KHDC1: variants seen among roughly 807,000 people sequenced by gnomAD.
The protein encoded by KHDC1 is KH domain containing 1, also known as KH homology domain-containing protein 1.
A neutral mutation model predicts 24.7 loss-of-function variants in KHDC1; 21 were observed. The observed-to-expected ratio is 0.85, with a 90% CI of 0.60 to 1.23. The LOEUF (loss-of-function observed/expected upper bound fraction) is 1.23, where lower values mean the gene tolerates loss of function less well. KHDC1 is among the 50% of genes most tolerant of loss of function. KHDC1 has a pLI of 0.00. For missense variants in KHDC1, 274 were observed against 298.5 expected (o/e 0.92, Z 0.61); for synonymous variants, 98 against 111.7 (o/e 0.88, Z 0.77).
intron 1 of KHDC1, among the ~76,000 whole-genome samples, chr6:73,301,770 A>G (rs1767881113): frequency 6.6e-6 from 1 of 151,966 alleles, no homozygotes; most frequent in African/African-American, 2.4e-5. Flanking sequence ...AGCTGGGACT[A>G]CAGGCATGTG....
chr6:73,273,079 G>A (rs1375245523), intron 2 of KHDC1, among the ~76,000 whole-genome samples: 11 of 151,218 alleles, frequency 7.3e-5, no homozygotes, highest in Middle Eastern at 3.2e-3. Context: ...GGCTGGTGGC[G>A]AACTCTTGAC....
intron 1 of KHDC1, among the ~76,000 whole-genome samples, chr6:73,304,391 A>T (rs894430022): frequency 5.3e-5 from 8 of 152,208 alleles, no homozygotes; most frequent in Non-Finnish European, 7.3e-5. Context: ...AAATATGCAT[A>T]TATTACATAA....
chr6:73,290,065 A>G (rs1326871993), intron 2 of KHDC1, among the ~76,000 whole-genome samples: 1 of 136,358 alleles, frequency 7.3e-6, no homozygotes, highest in Non-Finnish European at 1.5e-5. Flanking sequence ...GCGCCACTGC[A>G]GTCCGCAGTC....
chr6:73,257,692 T>A (rs1318057494), intron 2 of KHDC1, among the ~76,000 whole-genome samples: 3 of 150,268 alleles, frequency 2.0e-5, no homozygotes, highest in African/African-American at 4.9e-5. Flanking sequence ...CCACCATGCC[T>A]GGCCCTTTTT....
intron 2 of KHDC1, among the ~76,000 whole-genome samples, chr6:73,261,993 T>A (rs1766988854): frequency 6.6e-6 from 1 of 151,468 alleles, no homozygotes; most frequent in Admixed American, 6.6e-5. Context: ...GTGAGAGAAT[T>A]CATTGAGCCC....
At chr6:73,280,906 A>C (rs1398433709) in intron 2 of KHDC1, among the ~76,000 whole-genome samples, 1 of 151,672 alleles carries the variant, frequency 6.6e-6, no homozygotes, top group Non-Finnish European at 1.5e-5. Flanking sequence ...TTCTTCCTAA[A>C]GCACATCCTT....
chr6:73,245,986 C>T (rs181499665), intron 2 of KHDC1, among the ~76,000 whole-genome samples: 57 of 152,266 alleles, frequency 3.7e-4, no homozygotes, highest in Non-Finnish European at 6.2e-4. Flanking sequence ...CTCAGGATTC[C>T]GGGTTATTGG....
chr6:73,283,240 T>A (rs930441880), intron 2 of KHDC1, among the ~76,000 whole-genome samples: 1 of 152,202 alleles, frequency 6.6e-6, no homozygotes. Flanking sequence ...CTACATAAAT[T>A]ATTTGAAATT....
At chr6:73,287,509 A>G (rs912574886) in intron 2 of KHDC1, among the ~76,000 whole-genome samples, 2 of 152,212 alleles carry the variant, frequency 1.3e-5, no homozygotes, top group African/African-American at 4.8e-5. Flanking sequence ...TCCCTTGCCC[A>G]GTTTCCAGAC....
chr6:73,291,314 G>T, intron 2 of KHDC1: 1 of 207,404 alleles, frequency 4.8e-6, no homozygotes. Flanking sequence ...TAACGCTGAT[G>T]GAAATAAACA....
chr6:73,285,649 CT>C (rs539979246), intron 2 of KHDC1, among the ~76,000 whole-genome samples: 20,916 of 129,916 alleles, frequency 0.16, 1,624 homozygotes, highest in African/African-American at 0.29. Flanking sequence ...TCTTTTTTTT[CT>C]TTTTTTTTTT....
chr6:73,295,068 C>A (rs1767733548), intron 1 of KHDC1, among the ~76,000 whole-genome samples: 1 of 152,034 alleles, frequency 6.6e-6, no homozygotes, highest in Non-Finnish European at 1.5e-5. Context: ...GTGGGAGGAT[C>A]ACTTGAACCG....
intron 1 of KHDC1, among the ~76,000 whole-genome samples, chr6:73,303,310 A>G (rs957318664): frequency 6.6e-6 from 1 of 152,088 alleles, no homozygotes; most frequent in Non-Finnish European, 1.5e-5. Flanking sequence ...TGTTCCATGA[A>G]GGTTCCCATT....
exon 5 of KHDC1, chr6:73,241,447 G>A: frequency 1.5e-6 from 2 of 1,351,358 alleles, no homozygotes; most frequent in Non-Finnish European, 2.1e-6. Context: ...ACTTTCCTCA[G>A]TGTCTATCAT....
At chr6:73,243,138 G>A (rs1453561056) in intron 2 of KHDC1, among the ~76,000 whole-genome samples, 1 of 152,140 alleles carries the variant, frequency 6.6e-6, no homozygotes, top group Admixed American at 6.6e-5. Flanking sequence ...TATCTAGGAA[G>A]GGAAGTAAAG....
chr6:73,272,006 A>T (rs183769031), intron 2 of KHDC1, among the ~76,000 whole-genome samples: 13 of 109,382 alleles, frequency 1.2e-4, no homozygotes, highest in East Asian at 4.7e-4. Flanking sequence ...AATCCCATTT[A>T]AAAAAAAAGG....
intron 2 of KHDC1, among the ~76,000 whole-genome samples, chr6:73,280,904 A>G (rs563237783): frequency 1.3e-5 from 2 of 152,210 alleles, no homozygotes; most frequent in East Asian, 3.9e-4. Flanking sequence ...TCTTCTTCCT[A>G]AAGCACATCC....
intron 1 of KHDC1, among the ~76,000 whole-genome samples, chr6:73,298,781 A>G (rs1164466593): frequency 6.6e-6 from 1 of 152,174 alleles, no homozygotes; most frequent in Middle Eastern, 3.4e-3. Flanking sequence ...TCTGTCACCC[A>G]GTCTGGAATG....
intron 1 of KHDC1, among the ~76,000 whole-genome samples, chr6:73,307,673 G>A (rs937927580): frequency 3.3e-5 from 5 of 152,034 alleles, no homozygotes; most frequent in African/African-American, 9.7e-5. Context: ...AGCCTTAAAC[G>A]GAGTGCCCAG....
Sources: gnomAD v4.1 joint callset for allele counts (sites outside exome capture counted in the v4.1 genomes callset) on GRCh38, gnomAD v4.1.1 for gene constraint, MANE v1.5 for transcripts, NCBI Gene and HGNC (gene_info 2026-07-23, HGNC 2026-07-21) for gene names.